IFT140: variants seen among roughly 807,000 people sequenced by gnomAD.
IFT140 encodes the protein intraflagellar transport 140.
In IFT140, 133 loss-of-function variants were observed where a neutral mutation model predicts 164.6. That is an observed-to-expected ratio of 0.81 (90% CI 0.70 to 0.93). The LOEUF (loss-of-function observed/expected upper bound fraction) is 0.93, where lower values mean the gene tolerates loss of function less well. Ranked by LOEUF, IFT140 falls within the 40% of genes least tolerant of loss-of-function variation. IFT140 has a pLI of 0.00. For synonymous variants in IFT140, 860 were observed against 817.3 expected (o/e 1.05, Z -0.89); for missense variants, 2,045 against 1,972.3 (o/e 1.04, Z -0.70).
intron 19 of IFT140, among the ~76,000 whole-genome samples, chr16:1,528,335 G>GCA (rs774594216): frequency 3.9e-5 from 4 of 103,330 alleles, no homozygotes; most frequent in Non-Finnish European, 5.9e-5. Flanking sequence ...ACGCACGTGT[G>GCA]CACACACACG....
chr16:1,602,583 G>T lies in IFT140; in HGVS notation c.156C>A (p.Cys52Ter). 1 of 1,611,426 alleles carries T rather than the reference G, an allele frequency of 6.2e-7. No homozygotes were observed. ...SVDIYLEQGECVPDTHVERPF... is the reference protein window; with the variant it reads ...SVDIYLEQGE The stretch of plus-strand genomic sequence containing the variant: ...GCCTCTCGACGTGTGTATCTGGCAC[G>T]CACTCCCCCTGCATTGGATGAGAGG... Residue 52 changes from cysteine to a stop codon, truncating the protein, a stop_gained, in exon 4 of 31, where the codon TGC (cysteine) becomes TGA (stop). Coordinates refer to ENST00000426508, the MANE Select transcript of IFT140 (RefSeq NM_014714.4). LOFTEE classifies it high-confidence loss of function.
rs1289493997 is a variant in IFT140 at position 1,564,930 on chromosome 16, G to GCAGAA, written c.1902-773_1902-769dup. 6.6e-6 allele frequency among the ~76,000 whole-genome samples: 1 copy of GCAGAA among 152,206 alleles called. No homozygotes were observed. Among genetic ancestry groups the GCAGAA allele is most frequent in the Non-Finnish European group, 1.5e-5 (1 of 68,048 alleles). On this transcript the variant is annotated intron_variant, in intron 16 of 30. Coordinates refer to ENST00000426508, the MANE Select transcript of IFT140 (RefSeq NM_014714.4). The surrounding 1 kb of genome is among the most constrained non-coding windows in gnomAD (Gnocchi z 5.5). ...ACGTTCGGCACCAGTGCAGAGCAGA[G>GCAGAA]CAGAAAGCAGGGCAGAGGGGCGAGT...
chr16:1,560,799 G>C (rs988128211), intron 18 of IFT140, among the ~76,000 whole-genome samples: 2 of 152,244 alleles, frequency 1.3e-5, no homozygotes, highest in Non-Finnish European at 2.9e-5. Flanking sequence ...ATAAGCCACT[G>C]CATGTGGAAA....
intron 19 of IFT140, 122 bp from the exon 20 acceptor site, chr16:1,526,918 G>T: frequency 8.9e-7 from 1 of 1,118,440 alleles, no homozygotes; most frequent in Non-Finnish European, 1.2e-6. Context: ...ATGAGGAGGG[G>T]CCTTCACCCA....
At chr16:1,512,102 C>T (rs1441854819) in intron 30 of IFT140, among the ~76,000 whole-genome samples, 1 of 130,312 alleles carries the variant, frequency 7.7e-6, no homozygotes, top group Non-Finnish European at 1.6e-5. Context: ...GCAGAAGGTG[C>T]GGAGGGCGGG....
At chr16:1,589,490 A>G in intron 7 of IFT140, 115 bp downstream of exon 7, 1 of 1,035,696 alleles carries the variant, frequency 9.7e-7, no homozygotes, top group Non-Finnish European at 1.4e-6. Flanking sequence ...GCCCTAACTC[A>G]GTTGATAGGC....
At chr16:1,604,560 A>C (rs1013201128) in intron 3 of IFT140, 1 of 152,388 alleles carries the variant, frequency 6.6e-6, no homozygotes, top group Non-Finnish European at 1.5e-5. Flanking sequence ...TGTTCACCCA[A>C]AGAGCAGCAC....
chr16:1,579,839 C>G (rs928688242), intron 13 of IFT140, among the ~76,000 whole-genome samples: 3 of 152,008 alleles, frequency 2.0e-5, no homozygotes, highest in African/African-American at 7.3e-5. Context: ...TGGCGCACAC[C>G]TGTAGTCCTA....
intron 19 of IFT140, among the ~76,000 whole-genome samples, chr16:1,528,190 T>TC (rs1209837025): frequency 6.6e-6 from 1 of 152,028 alleles, no homozygotes; most frequent in East Asian, 1.9e-4. Flanking sequence ...AAGGCCCTGT[T>TC]CCAAGACACA....
chr16:1,523,336 G>C (rs1413967952), intron 26 of IFT140, among the ~76,000 whole-genome samples, 182 bp downstream of exon 26: 2 of 150,826 alleles, frequency 1.3e-5, no homozygotes, highest in Non-Finnish European at 3.0e-5. Flanking sequence ...GAAGGATGGC[G>C]AGTCTACACT....
chr16:1,596,818 G>A (rs1349120358), intron 4 of IFT140, among the ~76,000 whole-genome samples: 1 of 152,138 alleles, frequency 6.6e-6, no homozygotes, highest in Non-Finnish European at 1.5e-5. Flanking sequence ...AGCTGCCCCA[G>A]GGTCCAGGCT....
rs577423743 is a variant in IFT140 at position 1,551,216 on chromosome 16, G to A, written c.2399+6719C>T. ...TGGTGGGGCAAGTTCTGGCCCCGGG[G>A]AGCCTGCCCTGTGGCGGGGGAGAGC... On this transcript the variant is annotated intron_variant, in intron 19 of 30. Transcript: ENST00000426508. This position sits in a 1 kb window ranked among gnomAD's most constrained non-coding sequence, Gnocchi z 4.0. 6.6e-6 allele frequency among the ~76,000 whole-genome samples: 1 copy of A among 152,268 alleles called. No homozygotes were observed. The highest frequency in any genetic ancestry group is 2.4e-5 in the African/African-American group (1 of 41,468).
intron 18 of IFT140, among the ~76,000 whole-genome samples, chr16:1,560,506 C>A (rs932013598): frequency 5.3e-5 from 8 of 152,256 alleles, no homozygotes; most frequent in Admixed American, 1.3e-4. Context: ...CCACCACCAC[C>A]GTGTCCTTTA....
chr16:1,519,519 C>T (rs761415611), intron 29 of IFT140, among the ~76,000 whole-genome samples: 2 of 152,066 alleles, frequency 1.3e-5, no homozygotes, highest in African/African-American at 2.4e-5. Context: ...CACCATGGTC[C>T]CCCAACCCCA....
intron 19 of IFT140, chr16:1,528,568 T>G (rs890753673): frequency 4.5e-5 from 7 of 154,714 alleles, no homozygotes; most frequent in African/African-American, 1.7e-4. Context: ...CGCACACACA[T>G]GCACGCACGT....
intron 20 of IFT140, 161 bp from the exon 21 acceptor site, chr16:1,526,238 GC>G: frequency 1.4e-6 from 1 of 691,620 alleles, no homozygotes; most frequent in Non-Finnish European, 2.4e-6. Flanking sequence ...CACCCACGGG[GC>G]ATCCCCGTCC....
intron 18 of IFT140, among the ~76,000 whole-genome samples, chr16:1,560,218 T>C (rs111488235): frequency 1.3e-5 from 2 of 152,190 alleles, no homozygotes; most frequent in Non-Finnish European, 2.9e-5. Context: ...GCCCTCCATT[T>C]GGCGAATCAC....
chr16:1,577,351 TCTAG>T (rs2141699350), intron 13 of IFT140: 1 of 152,330 alleles, frequency 6.6e-6, no homozygotes, highest in South Asian at 2.1e-4. Context: ...TTTTCTTTCC[TCTAG>T]CTTACTTTAC....
chr16:1,596,466 C>T (rs2035469921), intron 4 of IFT140, among the ~76,000 whole-genome samples: 1 of 150,422 alleles, frequency 6.6e-6, no homozygotes, highest in Admixed American at 6.6e-5. Flanking sequence ...TCCAGGCTGC[C>T]ACCTGGAATG....
Sources: allele counts gnomAD v4.1 joint callset (sites outside exome capture counted in the v4.1 genomes callset), GRCh38; gene constraint gnomAD v4.1.1; non-coding constraint Gnocchi (gnomAD v3.1); transcripts MANE v1.5; gene names NCBI Gene and HGNC (gene_info 2026-07-23, HGNC 2026-07-21).